Variants in RNF111 observed in about 807,000 individuals in gnomAD.
RNF111 encodes ring finger protein 111.
A neutral mutation model predicts 95.1 loss-of-function variants in RNF111; 17 were observed. That is an observed-to-expected ratio of 0.18 (90% CI 0.12 to 0.27). The LOEUF (loss-of-function observed/expected upper bound fraction) is 0.27, where lower values mean the gene tolerates loss of function less well. Among genes scored for constraint, RNF111 ranks in the 10% least tolerant of loss-of-function variants. The pLI, the probability that RNF111 is intolerant of heterozygous loss-of-function variation, is 1.00. For synonymous variants in RNF111, 440 were observed against 414.8 expected (o/e 1.06, Z -0.74); for missense variants, 1,189 against 1,210.4 (o/e 0.98, Z 0.26).
At chr15:59,034,154 T>C (rs1017280228) in intron 2 of RNF111, among the ~76,000 whole-genome samples, 2 of 152,206 alleles carry the variant, frequency 1.3e-5, no homozygotes, top group Admixed American at 6.5e-5. Context: ...TCACTATGTA[T>C]AGTTATCTCA....
chr15:59,010,768 A>C (rs1293648467), intron 1 of RNF111, among the ~76,000 whole-genome samples: 2 of 152,094 alleles, frequency 1.3e-5, no homozygotes, highest in African/African-American at 2.4e-5. Context: ...AGGTAATGGA[A>C]AAGTTGAGAC....
Position 59,085,662 on chromosome 15 carries a change from A to G in RNF111, c.2427A>G (p.Glu809=), listed in dbSNP as rs544668965. The G allele has an allele frequency of 2.5e-6, 4 of 1,612,864 alleles. No individual in the cohort carries two copies. The highest frequency in any genetic ancestry group is 3.4e-6 in the Non-Finnish European group (4 of 1,179,268). The part of the protein sequence containing the change: ...PRQAPERSAW[E]LGIEAGVTAA... ...ACTGTTCTCATCCTTTCGTTAGGGAACTGGGAATTGAAGCTGGAGTGACTG... is the reference window on the plus strand; with the variant it reads ...ACTGTTCTCATCCTTTCGTTAGGGAGCTGGGAATTGAAGCTGGAGTGACTG... The change falls in exon 10 of 14, where the codon GAA becomes GAG. Residue 809 remains glutamate, a synonymous_variant. Coordinates refer to ENST00000348370, the MANE Select transcript of RNF111 (RefSeq NM_017610.8).
intron 5 of RNF111, among the ~76,000 whole-genome samples, chr15:59,066,332 G>A (rs2042653962): frequency 1.3e-5 from 2 of 151,958 alleles, no homozygotes; most frequent in East Asian, 3.9e-4. Context: ...ACTATCAGCC[G>A]GGGTGTGGTG....
chr15:59,037,697 G>A (rs1429335140), intron 2 of RNF111, among the ~76,000 whole-genome samples: 14 of 152,086 alleles, frequency 9.2e-5, no homozygotes, highest in African/African-American at 2.4e-5. Context: ...TTAGCCGAGC[G>A]TGGTGGCGCA....
chr15:59,090,040 C>T (rs1225146769), intron 11 of RNF111, among the ~76,000 whole-genome samples: 1 of 151,858 alleles, frequency 6.6e-6, no homozygotes, highest in African/African-American at 2.4e-5. Flanking sequence ...ATAACTATAC[C>T]ATTAAATGTG....
At chr15:59,081,362 C>A in intron 8 of RNF111, 78 bp downstream of exon 8, 2 of 1,238,572 alleles carry the variant, frequency 1.6e-6, no homozygotes, top group Non-Finnish European at 2.3e-6. Context: ...CTCTGAAATC[C>A]AACTAGGCAT....
rs1339534318 is a variant in RNF111, at chr15:59,055,589, A to T, written c.1008-93A>T. 4 of 983,766 alleles carry T rather than the reference A, an allele frequency of 4.1e-6. No individual in the cohort carries two copies. In the African/African-American group the frequency reaches 5.0e-5, roughly 12 times the overall value. The allele number at this position is 983,766 out of a possible 1,614,324, so 60.9% of individuals were successfully genotyped here. The stretch of plus-strand genomic sequence containing the variant: ...TTCTTTGGAGAAATCTTGTATGAAA[A>T]ACTTAACATTTAGTAAGAAAGGCTT... On this transcript the variant is annotated intron_variant, in intron 3 of 13. Coordinates refer to ENST00000348370, the MANE Select transcript of RNF111 (RefSeq NM_017610.8).
Position 59,076,114 on chromosome 15 carries a change from C to T in RNF111, c.1847C>T (p.Ser616Leu), listed in dbSNP as rs1264403019. ...GCTGCTGCCCCAAGTCAACCTTTAT[C>T]ATCAATAGATGGCTATGGATCAAGC... ...AAAAAPSQPL[S>L]SIDGYGSSMV... is the part of the protein sequence containing the mutation. The change falls in exon 7 of 14, where the codon TCA becomes TTA. Residue 616 changes from serine to leucine, a missense_variant. By Grantham distance (145) the Ser-to-Leu change is moderately radical. This residue lies in a region of RNF111 where 1,024 missense variants were observed against 925.9 expected (regional missense o/e 1.11). Coordinates refer to ENST00000348370, the MANE Select transcript of RNF111 (RefSeq NM_017610.8). 1 of 1,614,188 alleles carries T rather than the reference C, an allele frequency of 6.2e-7. No individual in the cohort carries two copies. The highest frequency in any genetic ancestry group is 1.7e-5 in the Admixed American group (1 of 60,032).
At chr15:59,021,895 C>T (rs191832031) in intron 1 of RNF111, among the ~76,000 whole-genome samples, 1 of 152,156 alleles carries the variant, frequency 6.6e-6, no homozygotes, top group East Asian at 1.9e-4. Context: ...AGAGTTTGCT[C>T]TGTCACCCAG....
chr15:59,091,120 T>A lies in RNF111; in HGVS notation c.2705T>A (p.Ile902Asn), dbSNP rs1397197704. The change falls in exon 12 of 14, where the codon ATT (isoleucine) becomes AAT (asparagine). Residue 902 changes from isoleucine to asparagine, a missense_variant. Physicochemically the swap from Ile to Asn is moderately radical, Grantham distance 149 (BLOSUM62 -3). Transcript: ENST00000348370. ...NVNRGASQGT[I>N]ERCTYPHKYK... ...AATCGTGGAGCATCCCAGGGGACAATTGAAAGATGTACATATCCACATAAA... is the reference window on the plus strand; with the variant it reads ...AATCGTGGAGCATCCCAGGGGACAAATGAAAGATGTACATATCCACATAAA... 6.2e-7 allele frequency: 1 copy of A among 1,608,112 alleles called. No individual in the cohort carries two copies. The highest frequency in any genetic ancestry group is 1.7e-5 in the Admixed American group (1 of 59,828).
intron 1 of RNF111, among the ~76,000 whole-genome samples, chr15:59,013,828 G>A (rs148641641): frequency 6.6e-5 from 10 of 151,502 alleles, no homozygotes; most frequent in African/African-American, 2.2e-4. Flanking sequence ...TCACTCTGTT[G>A]CCCAGGCTGG....
chr15:59,028,781 A>T (rs1315319181), intron 1 of RNF111, among the ~76,000 whole-genome samples: 4 of 147,196 alleles, frequency 2.7e-5, no homozygotes, highest in African/African-American at 2.5e-5. Flanking sequence ...TTTGTGTTTA[A>T]TTTTTTTTTT....
chr15:59,008,005 G>C (rs1327792764), intron 1 of RNF111, among the ~76,000 whole-genome samples: 1 of 152,058 alleles, frequency 6.6e-6, no homozygotes, highest in Non-Finnish European at 1.5e-5. Context: ...TTTTGATTTT[G>C]ATAAAGTCAA....
intron 2 of RNF111, among the ~76,000 whole-genome samples, chr15:59,042,693 T>C (rs960135635): frequency 1.2e-4 from 19 of 152,240 alleles, no homozygotes; most frequent in African/African-American, 4.6e-4. Flanking sequence ...TTTTTCCTAT[T>C]GACTTGAGAT....
intron 5 of RNF111, 67 bp from the exon 6 acceptor site, chr15:59,066,697 A>G (rs1235759591): frequency 8.3e-7 from 1 of 1,205,158 alleles, no homozygotes; most frequent in Non-Finnish European, 1.2e-6. Flanking sequence ...TTTATACCCC[A>G]TACCTATTTT....
chr15:59,010,665 G>A (rs1240750020), intron 1 of RNF111, among the ~76,000 whole-genome samples: 2 of 152,178 alleles, frequency 1.3e-5, no homozygotes, highest in Non-Finnish European at 2.9e-5. Context: ...GCCTCCCAGA[G>A]TGTTGGGATT....
Position 59,081,294 on chromosome 15 carries a change from A to G in RNF111, c.2297+10A>G. 6.2e-7 allele frequency: 1 copy of G among 1,607,178 alleles called. No individual in the cohort carries two copies. Among genetic ancestry groups the G allele is most frequent in the South Asian group, 1.1e-5 (1 of 90,542 alleles). Reference sequence around the variant, plus strand: ...TGATGCAGCATCCAACGTATGTTTTACGTTTTTAAAAAGAAAGTCAAGTTT... The same window carrying G: ...TGATGCAGCATCCAACGTATGTTTTGCGTTTTTAAAAAGAAAGTCAAGTTT... On this transcript the variant is annotated intron_variant, in intron 8 of 13. Coordinates refer to ENST00000348370, the MANE Select transcript of RNF111 (RefSeq NM_017610.8).
intron 1 of RNF111, among the ~76,000 whole-genome samples, chr15:58,989,018 A>G (rs1287840982): frequency 6.6e-6 from 1 of 152,206 alleles, no homozygotes; most frequent in African/African-American, 2.4e-5. Context: ...ACTGGGAAAA[A>G]CATAAGCTAA....
At chr15:59,057,737 G>A (rs1184263564) in intron 4 of RNF111, among the ~76,000 whole-genome samples, 8 of 152,186 alleles carry the variant, frequency 5.3e-5, no homozygotes, top group Non-Finnish European at 1.0e-4. Flanking sequence ...GATTAAAACA[G>A]TTATTGGAAA....
Sources: gnomAD v4.1 joint callset for allele counts (sites outside exome capture counted in the v4.1 genomes callset) on GRCh38, gnomAD v4.1.1 for gene constraint, gnomAD v4.1.1 regional missense constraint, MANE v1.5 for transcripts, NCBI Gene and HGNC (gene_info 2026-07-23, HGNC 2026-07-21) for gene names.